The following NAV2 variants were observed in gnomAD, a reference collection of about 807,000 sequenced individuals.
NAV2 encodes helicase, APC down-regulated 1.
A neutral mutation model predicts 223.2 loss-of-function variants in NAV2; 54 were observed. The observed-to-expected ratio is 0.24, with a 90% CI of 0.19 to 0.30. The LOEUF (loss-of-function observed/expected upper bound fraction) is 0.30, where lower values mean the gene tolerates loss of function less well. Ranked by LOEUF, NAV2 falls within the 10% of genes least tolerant of loss-of-function variation. The pLI is 1.00. For synonymous variants in NAV2, 1,279 were observed against 1,239.3 expected (o/e 1.03, Z -0.67); for missense variants, 2,806 against 3,147.5 (o/e 0.89, Z 2.60).
chr11:19,365,270 C>G (rs1267116846), intron 1 of NAV2, among the ~76,000 whole-genome samples: 1 of 152,224 alleles, frequency 6.6e-6, no homozygotes, highest in Non-Finnish European at 1.5e-5. Flanking sequence ...ACATTTCTAT[C>G]CATTTGAAAC....
intron 1 of NAV2, among the ~76,000 whole-genome samples, chr11:19,492,876 G>C (rs1190014065): frequency 6.6e-6 from 1 of 152,182 alleles, no homozygotes; most frequent in African/African-American, 2.4e-5. Context: ...GGTTAGATGT[G>C]ACACGGTACA....
chr11:19,669,767 G>A (rs1214672649), intron 1 of NAV2, among the ~76,000 whole-genome samples: 1 of 152,182 alleles, frequency 6.6e-6, no homozygotes, highest in Non-Finnish European at 1.5e-5. Flanking sequence ...AATTCCAAGT[G>A]CCTTTCAGTG....
chr11:20,062,248 C>A, intron 19 of NAV2, 59 bp from the exon 20 acceptor site: 1 of 1,256,708 alleles, frequency 8.0e-7, no homozygotes, highest in Non-Finnish European at 1.1e-6. Context: ...CCTCCCCTGT[C>A]CCCTTTTTGG....
At chr11:19,547,987 G>T (rs902940864) in intron 1 of NAV2, among the ~76,000 whole-genome samples, 27 of 152,300 alleles carry the variant, frequency 1.8e-4, no homozygotes, top group African/African-American at 6.5e-4. Context: ...GGGAATCCCA[G>T]CCTGCAAGAG....
intron 36 of NAV2, among the ~76,000 whole-genome samples, chr11:20,108,432 G>T (rs2062337506): frequency 6.6e-6 from 1 of 151,958 alleles, no homozygotes; most frequent in African/African-American, 2.4e-5. Context: ...GACAGCAGTT[G>T]GAAAGCACAA....
At chr11:20,091,489 T>C (rs1176133878) in intron 27 of NAV2, among the ~76,000 whole-genome samples, 2 of 152,198 alleles carry the variant, frequency 1.3e-5, no homozygotes, top group Non-Finnish European at 2.9e-5. Context: ...TCGGCCTGAT[T>C]CCTTTCCAAG....
chr11:19,983,725 A>G (rs1308474118), intron 10 of NAV2, among the ~76,000 whole-genome samples: 1 of 151,940 alleles, frequency 6.6e-6, no homozygotes, highest in Non-Finnish European at 1.5e-5. Flanking sequence ...CTGTAATATT[A>G]TTGCCTATGA....
intron 1 of NAV2, among the ~76,000 whole-genome samples, chr11:19,413,302 A>C (rs1850225080): frequency 6.6e-6 from 1 of 152,202 alleles, no homozygotes; most frequent in African/African-American, 2.4e-5. Flanking sequence ...ACCCAAATCA[A>C]TCAAGTGGAA....
chr11:19,948,241 A>T (rs1410901280), intron 9 of NAV2, among the ~76,000 whole-genome samples: 1 of 152,088 alleles, frequency 6.6e-6, no homozygotes, highest in Non-Finnish European at 1.5e-5. Flanking sequence ...ACATGCCACT[A>T]TGCCCAGCTA....
At chr11:20,072,166 T>G (rs574898497) in intron 22 of NAV2, among the ~76,000 whole-genome samples, 19 of 152,354 alleles carry the variant, frequency 1.2e-4, no homozygotes, top group African/African-American at 4.1e-4. Flanking sequence ...GGCTAGCCAG[T>G]TTTGCCAACA....
intron 1 of NAV2, among the ~76,000 whole-genome samples, chr11:19,389,406 A>T (rs1849162164): frequency 6.6e-6 from 1 of 152,218 alleles, no homozygotes; most frequent in African/African-American, 2.4e-5. Flanking sequence ...TTCTTTCCCA[A>T]CGTGTCTTAT....
chr11:19,758,937 T>C (rs558695910), intron 1 of NAV2, among the ~76,000 whole-genome samples: 3 of 152,208 alleles, frequency 2.0e-5, no homozygotes, highest in Admixed American at 1.3e-4. Context: ...CCCCTGAGGA[T>C]TGTGGAGGAA....
At chr11:19,456,369 A>G (rs1590235872) in intron 1 of NAV2, among the ~76,000 whole-genome samples, 2 of 152,204 alleles carry the variant, frequency 1.3e-5, no homozygotes, top group African/African-American at 4.8e-5. Flanking sequence ...ACTATTAATA[A>G]GTAGTGTCTA....
intron 1 of NAV2, among the ~76,000 whole-genome samples, chr11:19,486,794 A>G (rs561558651): frequency 6.6e-6 from 1 of 152,200 alleles, no homozygotes; most frequent in African/African-American, 2.4e-5. Context: ...CTCAGGCATC[A>G]TCTTCTCTCT....
intron 1 of NAV2, among the ~76,000 whole-genome samples, chr11:19,367,865 T>G (rs1046484464): frequency 6.6e-6 from 1 of 152,228 alleles, no homozygotes; most frequent in Non-Finnish European, 1.5e-5. Flanking sequence ...ATCATTATAT[T>G]ATACCCCAGA....
At chr11:19,457,625 A>T (rs2632044) in intron 1 of NAV2, among the ~76,000 whole-genome samples, 134,674 of 152,142 alleles carry the variant, frequency 0.89, 60,051 homozygotes, top group East Asian at 1. Flanking sequence ...AAAGGTCACT[A>T]GGGCTGCCAC....
At chr11:19,617,689 C>T (rs1168733913) in intron 1 of NAV2, among the ~76,000 whole-genome samples, 3 of 152,174 alleles carry the variant, frequency 2.0e-5, no homozygotes, top group East Asian at 1.9e-4. Flanking sequence ...CCTGAGGAGA[C>T]AGTTTTGGTT....
At chr11:19,833,536 A>T (rs1590797916) in intron 2 of NAV2, among the ~76,000 whole-genome samples, 1 of 152,150 alleles carries the variant, frequency 6.6e-6, no homozygotes, top group South Asian at 2.1e-4. Flanking sequence ...GATTTCTTAG[A>T]CTACCTGCCA....
At chr11:19,456,013 G>C (rs1851946720) in intron 1 of NAV2, among the ~76,000 whole-genome samples, 1 of 152,176 alleles carries the variant, frequency 6.6e-6, no homozygotes, top group African/African-American at 2.4e-5. Context: ...GGGGAGGGAA[G>C]GAGGCCAAGC....
Sources: gnomAD v4.1 joint callset for allele counts (sites outside exome capture counted in the v4.1 genomes callset) on GRCh38, gnomAD v4.1.1 for gene constraint, MANE v1.5 for transcripts, NCBI Gene and HGNC (gene_info 2026-07-23, HGNC 2026-07-21) for gene names.